The following DCC variants were observed in gnomAD, a reference collection of about 807,000 sequenced individuals.
The protein encoded by DCC is DCC netrin 1 receptor.
DCC carries 58 observed loss-of-function variants against 172.5 expected under a neutral mutation model. That is an observed-to-expected ratio of 0.34 (90% CI 0.27 to 0.42). The LOEUF is 0.42. Among genes scored for constraint, DCC ranks in the 10% least tolerant of loss-of-function variants. The pLI is 1.00. For synonymous variants in DCC, 709 were observed against 644.5 expected (o/e 1.10, Z -1.52); for missense variants, 1,740 against 1,791.0 (o/e 0.97, Z 0.51).
intron 5 of DCC, among the ~76,000 whole-genome samples, chr18:52,960,704 G>A (rs1160301691): frequency 6.6e-6 from 1 of 152,058 alleles, no homozygotes; most frequent in Non-Finnish European, 1.5e-5. Context: ...AGCAAACTGA[G>A]CTTTGTAATT....
chr18:52,591,377 C>CT (rs1326647191), intron 1 of DCC, among the ~76,000 whole-genome samples: 13 of 151,722 alleles, frequency 8.6e-5, no homozygotes, highest in South Asian at 2.1e-4. Context: ...TTGCAAACTG[C>CT]TTTTTTTTCA....
At chr18:52,739,981 T>G (rs1435593071) in intron 1 of DCC, among the ~76,000 whole-genome samples, 1 of 152,150 alleles carries the variant, frequency 6.6e-6, no homozygotes. Flanking sequence ...AATTAGAATA[T>G]TTTTAGAATT....
At position 52,550,891 on chromosome 18, in the gene DCC, C is replaced by T. The variant is rs2032751444; in HGVS notation, c.92-201163C>T. On this transcript the variant is annotated intron_variant, in intron 1 of 28. Transcript: ENST00000442544. ...TCACAACTTTTCTGTAAATCTAAAA[C>T]AATTTTTAAATGTTATTTTTTATTA... 2.6e-5 allele frequency among the ~76,000 whole-genome samples: 4 copies of T among 151,852 alleles called. No individual in the cohort carries two copies. The South Asian group carries it at 8.3e-4, about 32-fold the overall frequency.
chr18:52,960,950 T>C (rs886932840), intron 5 of DCC, among the ~76,000 whole-genome samples: 3 of 152,182 alleles, frequency 2.0e-5, no homozygotes, highest in Non-Finnish European at 4.4e-5. Context: ...GATGGCTCTT[T>C]AGAGAGCCGT....
chr18:53,291,972 A>T (rs1410959067), intron 12 of DCC, among the ~76,000 whole-genome samples: 1 of 152,198 alleles, frequency 6.6e-6, no homozygotes, highest in East Asian at 1.9e-4. Context: ...TAGAAGAAAC[A>T]AGCCTGGCTA....
intron 5 of DCC, among the ~76,000 whole-genome samples, chr18:53,032,080 T>C (rs2042033284): frequency 6.6e-6 from 1 of 152,116 alleles, no homozygotes; most frequent in Non-Finnish European, 1.5e-5. Context: ...TTTCCTGTTG[T>C]TTGGGTACAG....
intron 1 of DCC, among the ~76,000 whole-genome samples, chr18:52,620,981 A>G (rs2144859422): frequency 6.6e-6 from 1 of 152,278 alleles, no homozygotes. Flanking sequence ...CCAACTCTTC[A>G]TATTTGAGTG....
intron 1 of DCC, among the ~76,000 whole-genome samples, chr18:52,510,056 A>G (rs903064055): frequency 6.6e-6 from 1 of 151,748 alleles, no homozygotes; most frequent in African/African-American, 2.4e-5. Flanking sequence ...GTGAGCTGAG[A>G]TAGCACCACT....
chr18:52,771,351 T>A (rs1422095460), intron 2 of DCC, among the ~76,000 whole-genome samples: 1 of 152,226 alleles, frequency 6.6e-6, no homozygotes, highest in Non-Finnish European at 1.5e-5. Flanking sequence ...TTATTCAAAT[T>A]AAAAGGGAAT....
intron 20 of DCC, among the ~76,000 whole-genome samples, chr18:53,412,896 A>G (rs1910070305): frequency 6.6e-6 from 1 of 152,208 alleles, no homozygotes; most frequent in South Asian, 2.1e-4. Flanking sequence ...GTAGGTACAC[A>G]TATATGATGT....
At chr18:53,218,866 C>A (rs11663824) in intron 12 of DCC, among the ~76,000 whole-genome samples, 45,470 of 151,958 alleles carry the variant, frequency 0.3, 8,151 homozygotes, top group Non-Finnish European at 0.41. Flanking sequence ...CATACTACAA[C>A]TTAATTAGTT....
intron 23 of DCC, among the ~76,000 whole-genome samples, chr18:53,451,717 C>CTCTCTCTCTCTCTCTCCA (rs1238977632): frequency 6.6e-6 from 1 of 151,826 alleles, no homozygotes; most frequent in Non-Finnish European, 1.5e-5. Context: ...CTTGCTCTCT[C>CTCTCTCTCTCTCTCTCCA]TCTCTCTCTC....
Position 52,393,718 on chromosome 18 carries a change from C to A in DCC, c.91+52840C>A, listed in dbSNP as rs536738967. On this transcript the variant is annotated intron_variant, in intron 1 of 28. Transcript: ENST00000442544. ...TTCATACTTACAACACAAAGTTAGT[C>A]TAGAACCACTGTTCCAGAAAAGTGA... Among the ~76,000 whole-genome samples, 6 of 152,176 alleles carry A rather than the reference C, an allele frequency of 3.9e-5. No homozygotes were observed. The South Asian group carries it at 1.2e-3, about 32-fold the overall frequency.
At chr18:53,212,923 C>T (rs1237604944) in intron 11 of DCC, among the ~76,000 whole-genome samples, 1 of 152,104 alleles carries the variant, frequency 6.6e-6, no homozygotes. Context: ...CCACCTCCCT[C>T]GGGCTCCCAA....
intron 16 of DCC, 95 bp downstream of exon 16, chr18:53,386,233 T>C: frequency 1.3e-6 from 1 of 797,108 alleles, no homozygotes; most frequent in East Asian, 2.6e-5. Context: ...CAAAAATGAA[T>C]ATATCCTATC....
chr18:52,657,438 G>A (rs986214246), intron 1 of DCC, among the ~76,000 whole-genome samples: 1 of 152,170 alleles, frequency 6.6e-6, no homozygotes, highest in Non-Finnish European at 1.5e-5. Context: ...AGAGGGTCAA[G>A]GTTTCCTAAG....
chr18:52,844,101 C>T (rs1487101545), intron 2 of DCC, among the ~76,000 whole-genome samples: 2 of 152,090 alleles, frequency 1.3e-5, no homozygotes, highest in East Asian at 3.9e-4. Flanking sequence ...GTGAACACCC[C>T]ATAGGGTCAT....
intron 1 of DCC, among the ~76,000 whole-genome samples, chr18:52,701,482 TATG>T (rs2036121870): frequency 6.6e-6 from 1 of 152,204 alleles, no homozygotes; most frequent in South Asian, 2.1e-4. Context: ...TGTAGTAAAC[TATG>T]ATAAGACGAA....
intron 22 of DCC, among the ~76,000 whole-genome samples, chr18:53,443,186 G>A (rs1429544719): frequency 6.6e-6 from 1 of 152,182 alleles, no homozygotes; most frequent in Admixed American, 6.5e-5. Flanking sequence ...CTAGAGACAG[G>A]TCAATAGTTG....
Sources: gnomAD v4.1 joint callset for allele counts (sites outside exome capture counted in the v4.1 genomes callset) on GRCh38, gnomAD v4.1.1 for gene constraint, MANE v1.5 for transcripts, NCBI Gene and HGNC (gene_info 2026-07-23, HGNC 2026-07-21) for gene names.